EPB41L3: variants seen among roughly 807,000 people sequenced by gnomAD.
The protein encoded by EPB41L3 is band 4.1-like protein 3.
EPB41L3 carries 57 observed loss-of-function variants against 127.1 expected under a neutral mutation model. The observed-to-expected ratio is 0.45, with a 90% confidence interval of 0.36 to 0.56. The LOEUF is 0.56. Ranked by LOEUF, EPB41L3 falls within the 20% of genes least tolerant of loss-of-function variation. The pLI is 0.00. For missense variants in EPB41L3, 1,273 were observed against 1,372.2 expected, an observed-to-expected ratio of 0.93 and a Z score of 1.14; for synonymous variants, 572 against 549.5, an observed-to-expected ratio of 1.04 and a Z score of -0.57.
At chr18:5,491,750 A>C (rs1199934850) in intron 1 of EPB41L3, among the ~76,000 whole-genome samples, 2 of 152,202 alleles carry the variant, frequency 1.3e-5, no homozygotes, top group African/African-American at 4.8e-5. Flanking sequence ...CATTTTGGCC[A>C]CTTTTAATAA....
At chr18:5,443,531 T>C (rs757688747) in intron 5 of EPB41L3, among the ~76,000 whole-genome samples, 26 of 152,274 alleles carry the variant, frequency 1.7e-4, no homozygotes, top group Non-Finnish European at 2.8e-4. Flanking sequence ...TTCATACTTT[T>C]GTGACTGTTG....
intron 9 of EPB41L3, among the ~76,000 whole-genome samples, chr18:5,426,453 T>C (rs1038373357): frequency 6.6e-6 from 1 of 152,222 alleles, no homozygotes; most frequent in Non-Finnish European, 1.5e-5. Flanking sequence ...CTTGCATTTG[T>C]TCCCTCCCGT....
chr18:5,556,217 G>A (rs756156638), intron 3 of EPB41L3, among the ~76,000 whole-genome samples: 2 of 152,218 alleles, frequency 1.3e-5, no homozygotes. Flanking sequence ...GTAGCCAGGG[G>A]CTCACTACTT....
At chr18:5,433,289 G>A (rs1008403486) in intron 8 of EPB41L3, among the ~76,000 whole-genome samples, 180 bp downstream of exon 8, 1 of 152,200 alleles carries the variant, frequency 6.6e-6, no homozygotes, top group African/African-American at 2.4e-5. Flanking sequence ...AAACCCCTCA[G>A]TAAATATCAG....
chr18:5,550,362 A>G (rs1381341633), intron 3 of EPB41L3, among the ~76,000 whole-genome samples: 1 of 152,222 alleles, frequency 6.6e-6, no homozygotes, highest in Non-Finnish European at 1.5e-5. Context: ...ATTTTATTTC[A>G]GAAAAACAAT....
intron 1 of EPB41L3, among the ~76,000 whole-genome samples, chr18:5,614,941 G>T (rs1287381272): frequency 6.6e-6 from 1 of 152,200 alleles, no homozygotes; most frequent in Non-Finnish European, 1.5e-5. Context: ...TGTGTATGAA[G>T]AGAGTATGAA....
At chr18:5,619,609 G>C (rs540705477) in intron 1 of EPB41L3, among the ~76,000 whole-genome samples, 36 of 152,082 alleles carry the variant, frequency 2.4e-4, no homozygotes, top group Non-Finnish European at 3.5e-4. Context: ...CAGGTCTAGT[G>C]GACTTTTATC....
At chr18:5,622,950 G>GATT (rs1190480020) in intron 1 of EPB41L3, among the ~76,000 whole-genome samples, 1 of 44,392 alleles carries the variant, frequency 2.3e-5, no homozygotes, top group Non-Finnish European at 4.3e-5. Flanking sequence ...GCATAATGCT[G>GATT]ATTTTTTTTT....
In EPB41L3 at chr18:5,394,770, C is replaced by T. The variant is rs2073056382; in HGVS notation, c.3177G>A (p.Glu1059=). The T allele has an allele frequency of 1.2e-6, 2 of 1,614,134 alleles. No homozygotes were observed. Among genetic ancestry groups the T allele is most frequent in the Non-Finnish European group, 1.7e-6 (2 of 1,180,018 alleles). Residue 1059 remains glutamate (E), a synonymous_variant, in exon 22 of 23, where the codon GAG becomes GAA. Coordinates refer to ENST00000341928, the MANE Select transcript of EPB41L3 (RefSeq NM_012307.5). ...HDQALAQAIK[E]AKEQHPDMSV... is the part of the protein sequence containing the mutation. ...ACATGTCAGGGTGCTGCTCTTTGGC[C>T]TCTTTAATTGCCTGAGCCAGCGCCT...
In EPB41L3 at chr18:5,396,192, A is replaced by G. The variant is rs755560965; in HGVS notation, c.2973+9T>C. The G allele has an allele frequency of 1.2e-6, 2 of 1,614,084 alleles. No individual in the cohort carries two copies. Among genetic ancestry groups the G allele is most frequent in the Non-Finnish European group, 1.7e-6 (2 of 1,179,912 alleles). ...CAGCCAGGGCTCTGGTCTTCACAGAATATCTCACCTGTGATGATTCATATG... is the reference window on the plus strand; with the variant it reads ...CAGCCAGGGCTCTGGTCTTCACAGAGTATCTCACCTGTGATGATTCATATG... On this transcript the variant is annotated intron_variant, in intron 19 of 22. Transcript: ENST00000341928.
intron 1 of EPB41L3, among the ~76,000 whole-genome samples, chr18:5,509,080 A>G (rs1251180794): frequency 6.6e-6 from 1 of 152,242 alleles, no homozygotes; most frequent in Non-Finnish European, 1.5e-5. Flanking sequence ...ATCATCGGAC[A>G]CTGGCATAAT....
intron 3 of EPB41L3, among the ~76,000 whole-genome samples, chr18:5,598,845 T>C (rs1948210268): frequency 6.6e-6 from 1 of 152,192 alleles, no homozygotes; most frequent in Non-Finnish European, 1.5e-5. Flanking sequence ...CCAGGGAATA[T>C]AGGATCATTA....
chr18:5,415,673 C>T, intron 13 of EPB41L3, 145 bp downstream of exon 13: 1 of 883,380 alleles, frequency 1.1e-6, no homozygotes, highest in Non-Finnish European at 1.7e-6. Context: ...GTTGGACTCC[C>T]CAACACACAG....
chr18:5,414,297 A>T (rs538521152), intron 13 of EPB41L3, among the ~76,000 whole-genome samples: 1 of 152,222 alleles, frequency 6.6e-6, no homozygotes, highest in African/African-American at 2.4e-5. Context: ...ATGTATAAAA[A>T]GTTATTTATA....
chr18:5,418,849 G>A (rs2077130257), intron 12 of EPB41L3, among the ~76,000 whole-genome samples: 1 of 152,124 alleles, frequency 6.6e-6, no homozygotes, highest in Non-Finnish European at 1.5e-5. Context: ...ATGTACAAAA[G>A]ATCACTCGTG....
intron 3 of EPB41L3, chr18:5,577,195 A>G (rs1466977968): frequency 2.2e-5 from 5 of 229,246 alleles, no homozygotes; most frequent in Non-Finnish European, 3.5e-5. Context: ...CATGCACGAA[A>G]GAAGAATTCC....
chr18:5,503,919 C>T (rs576277689), intron 1 of EPB41L3, among the ~76,000 whole-genome samples: 2 of 152,330 alleles, frequency 1.3e-5, no homozygotes, highest in African/African-American at 4.8e-5. Context: ...CCATCTCAGT[C>T]ATGCTCAATC....
At chr18:5,589,258 G>T (rs572781941) in intron 3 of EPB41L3, among the ~76,000 whole-genome samples, 51 of 152,090 alleles carry the variant, frequency 3.4e-4, no homozygotes, top group African/African-American at 1.2e-3. Context: ...AACCATATCA[G>T]ACTTCTTTCT....
At chr18:5,441,744 G>A (rs533345261) in intron 5 of EPB41L3, among the ~76,000 whole-genome samples, 4 of 152,214 alleles carry the variant, frequency 2.6e-5, no homozygotes, top group Admixed American at 1.3e-4. Flanking sequence ...GATTACAGGC[G>A]TGAGCCACCG....
Sources: allele counts gnomAD v4.1 joint callset (sites outside exome capture counted in the v4.1 genomes callset), GRCh38; gene constraint gnomAD v4.1.1; transcripts MANE v1.5; gene names NCBI Gene and HGNC (gene_info 2026-07-23, HGNC 2026-07-21).